The following CCNI variants were observed in gnomAD, a reference collection of about 807,000 sequenced individuals.
The protein encoded by CCNI is cyclin I, also known as cyclin-I.
In CCNI, 14 loss-of-function variants were observed where a neutral mutation model predicts 34.1. That is an observed-to-expected ratio of 0.41 (90% CI 0.27 to 0.64). The LOEUF (loss-of-function observed/expected upper bound fraction) is 0.64. Ranked by LOEUF, CCNI falls within the 30% of genes least tolerant of loss-of-function variation. The pLI, the probability that CCNI is intolerant of heterozygous loss-of-function variation, is 0.31. For missense variants in CCNI, 385 were observed against 440.5 expected (o/e 0.87, Z 1.13); for synonymous variants, 154 against 158.4 (o/e 0.97, Z 0.21).
chr4:77,056,238 G>A lies in CCNI; in HGVS notation c.318+11C>T. On this transcript the variant is annotated intron_variant, in intron 4 of 6. Transcript: ENST00000237654. ...TCACGGAAGAAACATTATCTTGAAA[G>A]GATTTATTACCTCATCTTCCTCAAC... 1.9e-6 allele frequency: 3 copies of A among 1,608,668 alleles called. No individual in the cohort carries two copies. Among genetic ancestry groups the A allele is most frequent in the Non-Finnish European group, 2.6e-6 (3 of 1,175,508 alleles).
chr4:77,074,338 G>T (rs1320640133), intron 1 of CCNI, among the ~76,000 whole-genome samples: 1 of 152,188 alleles, frequency 6.6e-6, no homozygotes, highest in Non-Finnish European at 1.5e-5. Context: ...TCTGGTCCCA[G>T]ATTAGCCAAT....
chr4:77,055,465 T>C (rs931516947), intron 5 of CCNI, 85 bp from the exon 6 acceptor site: 15 of 179,842 alleles, frequency 8.3e-5, no homozygotes, highest in African/African-American at 3.5e-4. Flanking sequence ...ATTCAATTTC[T>C]TTTTTTTTTT....
intron 1 of CCNI, among the ~76,000 whole-genome samples, chr4:77,069,347 T>C (rs1467374632): frequency 6.6e-6 from 1 of 152,150 alleles, no homozygotes; most frequent in African/African-American, 2.4e-5. Context: ...ATCATGCCAC[T>C]GCACTCCAGC....
intron 2 of CCNI, among the ~76,000 whole-genome samples, chr4:77,059,598 C>G (rs1481398776): frequency 6.6e-6 from 1 of 151,792 alleles, no homozygotes. Flanking sequence ...TGGTAACTTT[C>G]ACTTATTAAT....
At position 77,047,487 on chromosome 4, in the gene CCNI, T is replaced by G. The variant is rs1408909690; in HGVS notation, c.*732A>C. 1 of 152,240 alleles carries G rather than the reference T, an allele frequency of 6.6e-6. No homozygotes were observed. The highest frequency in any genetic ancestry group is 1.5e-5 in the Non-Finnish European group (1 of 68,036). The allele number at this position is 152,240 out of a possible 1,614,324, so 9.4% of individuals were successfully genotyped here. A position where few individuals can be genotyped will look rare whatever the true frequency, so the allele number is the denominator to read the frequency against. ...AATACATGTTTCTTTGGTGAGCACC[T>G]GGATATATTTATCACAAATTCTTTT... is the stretch of plus-strand genomic sequence containing the variant. On this transcript the variant is annotated 3_prime_UTR_variant, in exon 7 of 7. Transcript: ENST00000237654.
chr4:77,053,463 G>A (rs1560770840), intron 6 of CCNI, among the ~76,000 whole-genome samples: 1 of 152,122 alleles, frequency 6.6e-6, no homozygotes, highest in Non-Finnish European at 1.5e-5. Context: ...AAGTTTCAGT[G>A]AATACTCTCT....
rs1259118599 is a variant in CCNI, at chr4:77,056,074, C to A, written c.347G>T (p.Arg116Ile). 1 of 1,613,726 alleles carries A rather than the reference C, an allele frequency of 6.2e-7. No homozygotes were observed. Among genetic ancestry groups the A allele is most frequent in the Non-Finnish European group, 8.5e-7 (1 of 1,179,826 alleles). The change falls in exon 5 of 7, where the codon AGA becomes ATA. Residue 116 changes from arginine (R) to isoleucine (I), a missense_variant. Around this residue, in one of 2 missense-constraint regions of CCNI, gnomAD observed 135 missense variants for 191.8 expected, o/e 0.70. Transcript: ENST00000237654. ...TGAGGAACATCCACAGAAACTGTCTCTTGCCAATACCTTTAGTACTGGAAT... is the reference window on the plus strand; with the variant it reads ...TGAGGAACATCCACAGAAACTGTCTATTGCCAATACCTTTAGTACTGGAAT... ...ERIPVLKVLARDSFCGCSSSE... is the reference protein window; with the variant it reads ...ERIPVLKVLAIDSFCGCSSSE...
chr4:77,049,319 C>T (rs895854169), intron 6 of CCNI, among the ~76,000 whole-genome samples: 1 of 152,208 alleles, frequency 6.6e-6, no homozygotes, highest in South Asian at 2.1e-4. Context: ...TCTGGAGTTA[C>T]CCCTGACTCC....
rs541656323 is a variant in CCNI, at chr4:77,075,589, TGCGCGCGGGACGACTCG to T, written c.-178_-162del. On this transcript the variant is annotated 5_prime_UTR_variant, in exon 1 of 7. Coordinates refer to ENST00000237654, the MANE Select transcript of CCNI (RefSeq NM_006835.3). ...CATTCTCATAGGCGCGCGGAGGCGG[TGCGCGCGGGACGACTCG>T]GCCAACTGAGGAGGGAGAAAGGGGA... is the stretch of plus-strand genomic sequence containing the variant. The T allele has an allele frequency of 1.0e-6, 1 of 987,506 alleles. No individual in the cohort carries two copies. Among genetic ancestry groups the T allele is most frequent in the Non-Finnish European group, 1.2e-6 (1 of 830,258 alleles). 61.2% of individuals were successfully genotyped at this position (987,506 alleles called of 1,614,324 possible).
At chr4:77,051,446 G>C (rs925336655) in intron 6 of CCNI, among the ~76,000 whole-genome samples, 1 of 152,116 alleles carries the variant, frequency 6.6e-6, no homozygotes, top group Non-Finnish European at 1.5e-5. Context: ...GTGAAAAAAC[G>C]AAGTAAATAG....
intron 2 of CCNI, among the ~76,000 whole-genome samples, chr4:77,059,563 A>G (rs1275976025): frequency 6.6e-6 from 1 of 152,006 alleles, no homozygotes; most frequent in Non-Finnish European, 1.5e-5. Flanking sequence ...CATCATCTCT[A>G]AATGTATAAT....
Position 77,055,378 on chromosome 4 carries a change from G to GA in CCNI, c.461dup (p.His155ProfsTer8). On this transcript the variant is annotated frameshift_variant and splice_region_variant, in exon 6 of 7. Transcript: ENST00000237654. LOFTEE classifies it high-confidence loss of function. ...GCCTAGTTGACACTGCAATGGCATG[G>GA]AACTGAAAATCACAAGAACATCATT... 6.2e-7 allele frequency: 1 copy of GA among 1,601,474 alleles called. No homozygotes were observed. Among genetic ancestry groups the GA allele is most frequent in the African/African-American group, 1.3e-5 (1 of 74,762 alleles).
intron 6 of CCNI, among the ~76,000 whole-genome samples, chr4:77,054,809 G>A (rs1728093206): frequency 6.6e-6 from 1 of 152,126 alleles, no homozygotes; most frequent in Non-Finnish European, 1.5e-5. Flanking sequence ...GTTATAAAAT[G>A]AGTGAAGTAA....
At chr4:77,054,184 CTT>C (rs557283929) in intron 6 of CCNI, among the ~76,000 whole-genome samples, 2 of 152,148 alleles carry the variant, frequency 1.3e-5, no homozygotes, top group Non-Finnish European at 2.9e-5. Flanking sequence ...TCAATTATAA[CTT>C]TCTTAGAAAA....
At chr4:77,055,425 G>A (rs1728153278) in intron 5 of CCNI, 45 bp from the exon 6 acceptor site, 2 of 1,295,764 alleles carry the variant, frequency 1.5e-6, no homozygotes, top group East Asian at 2.4e-5. Flanking sequence ...TAAATATCTG[G>A]GAAATTACAT....
intron 2 of CCNI, among the ~76,000 whole-genome samples, chr4:77,065,643 T>C (rs1468486850): frequency 6.6e-6 from 1 of 152,210 alleles, no homozygotes; most frequent in Non-Finnish European, 1.5e-5. Flanking sequence ...ATAAACTATA[T>C]ATCTAAAGAA....
intron 2 of CCNI, 197 bp downstream of exon 2, chr4:77,066,052 G>A: frequency 2.0e-6 from 1 of 509,046 alleles, no homozygotes; most frequent in Non-Finnish European, 3.5e-6. Flanking sequence ...AGTGAGCTGA[G>A]ATCATGCCAC....
chr4:77,056,286 C>T lies in CCNI; in HGVS notation c.281G>A (p.Cys94Tyr). ...PKYLSCIAIS[C>Y]FFLAAKTVEE... is the part of the protein sequence containing the mutation. ...AACAGTCTTGGCAGCTAGGAAAAAA[C>T]AGCTGATTGCAATACAACTCAAGTA... Residue 94 changes from cysteine to tyrosine, a missense_variant, in exon 4 of 7, where the codon TGT becomes TAT. By Grantham distance (194) the Cys-to-Tyr change is radical. Around this residue, in one of 2 missense-constraint regions of CCNI, gnomAD observed 135 missense variants for 191.8 expected, o/e 0.70. Transcript: ENST00000237654. 6.2e-7 allele frequency: 1 copy of T among 1,613,778 alleles called. No homozygotes were observed. Among genetic ancestry groups the T allele is most frequent in the Non-Finnish European group, 8.5e-7 (1 of 1,179,746 alleles).
chr4:77,048,007 ATTTCT>A lies in CCNI; in HGVS notation c.*207_*211del, dbSNP rs201509749. 2,188 of 416,990 alleles carry A rather than the reference ATTTCT, an allele frequency of 5.2e-3. 43 individuals are homozygous for A. The highest frequency in any genetic ancestry group is 0.04 in the African/African-American group (1,939 of 48,270). 25.8% of individuals were successfully genotyped at this position (416,990 alleles called of 1,614,324 possible). A position where few individuals can be genotyped will look rare whatever the true frequency, so the allele number is the denominator to read the frequency against. On this transcript the variant is annotated 3_prime_UTR_variant, in exon 7 of 7. Coordinates refer to ENST00000237654, the MANE Select transcript of CCNI (RefSeq NM_006835.3). The stretch of plus-strand genomic sequence containing the variant: ...TTTAAAAAAAGTTTGGATCTTTTGG[ATTTCT>A]TTTTTTTTTTTTTGGTCTTTATGTG...
Sources: gnomAD v4.1 joint callset for allele counts (sites outside exome capture counted in the v4.1 genomes callset) on GRCh38, gnomAD v4.1.1 for gene constraint, gnomAD v4.1.1 regional missense constraint, MANE v1.5 for transcripts, NCBI Gene and HGNC (gene_info 2026-07-23, HGNC 2026-07-21) for gene names.